Variants in GRID2 observed in about 807,000 individuals in gnomAD.
GRID2 encodes the protein glutamate ionotropic receptor delta type subunit 2.
A neutral mutation model predicts 114.8 loss-of-function variants in GRID2; 33 were observed. That is an observed-to-expected ratio of 0.29 (90% CI 0.22 to 0.38). The LOEUF is 0.38. Among genes scored for constraint, GRID2 ranks in the 10% least tolerant of loss-of-function variants. The pLI is 1.00. For synonymous variants in GRID2, 505 were observed against 449.9 expected (o/e 1.12, Z -1.55); for missense variants, 1,184 against 1,257.7 (o/e 0.94, Z 0.89).
chr4:93,021,391 A>G (rs1226468357), intron 2 of GRID2, among the ~76,000 whole-genome samples: 1 of 150,214 alleles, frequency 6.7e-6, no homozygotes, highest in Non-Finnish European at 1.5e-5. Context: ...TATATTATAA[A>G]TGTTAATAGA....
rs1252618359 is a variant in GRID2, at chr4:93,638,319, TA to T, written c.2360+11886del. 2.7e-4 allele frequency among the ~76,000 whole-genome samples: 11 copies of T among 41,344 alleles called. 2 individuals are homozygous for T. The highest frequency in any genetic ancestry group is 9.6e-4 in the African/African-American group (4 of 4,170). The allele number at this position is 41,344 out of a possible 152,430, so 27.1% of individuals were successfully genotyped here. A position where few individuals can be genotyped will look rare whatever the true frequency, so the allele number is the denominator to read the frequency against. On this transcript the variant is annotated intron_variant, in intron 14 of 15. Coordinates refer to ENST00000282020, the MANE Select transcript of GRID2 (RefSeq NM_001510.4). The stretch of plus-strand genomic sequence containing the variant: ...CTTGCATCTTTTTTTTTTTTTTTTT[TA>T]ATTATACTCTAAGTTTTAGGGTACA...
chr4:92,411,377 C>T (rs1731290395), intron 1 of GRID2, among the ~76,000 whole-genome samples: 1 of 151,926 alleles, frequency 6.6e-6, no homozygotes, highest in African/African-American at 2.4e-5. Flanking sequence ...TCTTTCTGTG[C>T]AATGACTGGT....
rs572432794 is a variant in GRID2 at position 92,944,539 on chromosome 4, C to T, written c.245-140456C>T. On this transcript the variant is annotated intron_variant, in intron 2 of 15. Transcript: ENST00000282020. ...ACACTTCCCGGTTGAGGCGATGCCT[C>T]GCCTTGCTTCAGCTCATGCTCAGTG... Among the ~76,000 whole-genome samples, 4 of 152,316 alleles carry T rather than the reference C, an allele frequency of 2.6e-5. No individual in the cohort carries two copies. In the South Asian group the frequency reaches 8.3e-4, roughly 32 times the overall value.
chr4:92,461,258 G>C (rs1160408480), intron 1 of GRID2, among the ~76,000 whole-genome samples: 2 of 151,856 alleles, frequency 1.3e-5, no homozygotes, highest in African/African-American at 4.8e-5. Context: ...TAACATCATT[G>C]ATAGGTTCTT....
intron 2 of GRID2, among the ~76,000 whole-genome samples, chr4:93,009,940 C>T (rs746266274): frequency 1.4e-4 from 22 of 151,982 alleles, no homozygotes; most frequent in South Asian, 4.1e-4. Flanking sequence ...CTAGGGCTCC[C>T]TGCTCATTAT....
chr4:93,408,257 C>T (rs11936167), intron 9 of GRID2, among the ~76,000 whole-genome samples: 23,303 of 151,986 alleles, frequency 0.15, 3,012 homozygotes, highest in African/African-American at 0.36. Context: ...AGATGCACTT[C>T]GATACACGTC....
chr4:93,700,066 T>C (rs1727374554), intron 14 of GRID2, among the ~76,000 whole-genome samples: 1 of 152,088 alleles, frequency 6.6e-6, no homozygotes, highest in Non-Finnish European at 1.5e-5. Flanking sequence ...AACAACAGGA[T>C]CAAATATGCT....
chr4:92,646,073 G>C (rs1731602789), intron 2 of GRID2, among the ~76,000 whole-genome samples: 1 of 151,714 alleles, frequency 6.6e-6, no homozygotes, highest in Non-Finnish European at 1.5e-5. Context: ...TCGTAGGAGA[G>C]TTCTCGTCGT....
chr4:93,158,864 T>C (rs753616160), intron 4 of GRID2, among the ~76,000 whole-genome samples: 38 of 151,756 alleles, frequency 2.5e-4, no homozygotes, highest in Non-Finnish European at 5.0e-4. Flanking sequence ...CTTTTTTTTT[T>C]CAGAAGGTGC....
At chr4:92,870,629 G>A (rs1336390951) in intron 2 of GRID2, among the ~76,000 whole-genome samples, 1 of 151,892 alleles carries the variant, frequency 6.6e-6, no homozygotes, top group Non-Finnish European at 1.5e-5. Context: ...ATTTTAAAAA[G>A]CATTAACAGA....
At chr4:93,594,566 C>T (rs973583875) in intron 13 of GRID2, among the ~76,000 whole-genome samples, 2 of 152,234 alleles carry the variant, frequency 1.3e-5, no homozygotes, top group African/African-American at 4.8e-5. Flanking sequence ...CCTCCTTGAG[C>T]TGTGGTGGGC....
chr4:92,792,217 T>A (rs1739623539), intron 2 of GRID2, among the ~76,000 whole-genome samples: 1 of 151,774 alleles, frequency 6.6e-6, no homozygotes, highest in African/African-American at 2.4e-5. Flanking sequence ...TGTCCAATAT[T>A]ATATTATGCC....
intron 13 of GRID2, among the ~76,000 whole-genome samples, chr4:93,582,025 C>T (rs1737032740): frequency 1.3e-5 from 2 of 152,226 alleles, no homozygotes; most frequent in Admixed American, 6.5e-5. Context: ...TCCTGTTGCT[C>T]CTGTAACAAA....
At chr4:93,136,832 C>A (rs1378191834) in intron 4 of GRID2, among the ~76,000 whole-genome samples, 4 of 152,092 alleles carry the variant, frequency 2.6e-5, no homozygotes, top group African/African-American at 9.7e-5. Context: ...ATAAAAGGAA[C>A]AATGATCAGT....
At chr4:92,473,137 G>A (rs1722124362) in intron 1 of GRID2, among the ~76,000 whole-genome samples, 1 of 151,984 alleles carries the variant, frequency 6.6e-6, no homozygotes, top group Admixed American at 6.6e-5. Context: ...AGTACCATTT[G>A]TTGAAAAGGC....
intron 4 of GRID2, among the ~76,000 whole-genome samples, chr4:93,163,271 A>G (rs775632437): frequency 2.0e-5 from 3 of 149,716 alleles, no homozygotes; most frequent in Non-Finnish European, 4.4e-5. Context: ...ATTATGGAGC[A>G]TATAAACCAA....
At chr4:93,747,307 C>A (rs1465455496) in intron 14 of GRID2, among the ~76,000 whole-genome samples, 1 of 152,086 alleles carries the variant, frequency 6.6e-6, no homozygotes, top group Admixed American at 6.6e-5. Context: ...CTCTGCTGAT[C>A]CCTAAAATTT....
At chr4:92,407,746 G>A (rs955536948) in intron 1 of GRID2, among the ~76,000 whole-genome samples, 1 of 152,040 alleles carries the variant, frequency 6.6e-6, no homozygotes, top group African/African-American at 2.4e-5. Context: ...AGAAGTGTTT[G>A]TTCAGGTACT....
chr4:92,363,837 T>TC (rs919351224), intron 1 of GRID2, among the ~76,000 whole-genome samples: 28 of 147,414 alleles, frequency 1.9e-4, no homozygotes, highest in African/African-American at 6.5e-4. Context: ...TTTTTTTTTT[T>TC]CTGACAGAAT....
Sources: allele counts gnomAD v4.1 joint callset (sites outside exome capture counted in the v4.1 genomes callset), GRCh38; gene constraint gnomAD v4.1.1; transcripts MANE v1.5; gene names NCBI Gene and HGNC (gene_info 2026-07-23, HGNC 2026-07-21).